The following SV2C variants were observed in gnomAD, a reference collection of about 807,000 sequenced individuals.
The protein encoded by SV2C is synaptic vesicle glycoprotein 2C, also known as solute carrier family 22 member B3.
Under a neutral mutation model 79.7 loss-of-function variants are expected in SV2C, and 49 were observed. The observed-to-expected ratio is 0.61, with a 90% confidence interval of 0.49 to 0.78. The LOEUF is 0.78. Among genes scored for constraint, SV2C ranks in the 30% least tolerant of loss-of-function variants. The pLI is 0.00. For synonymous variants in SV2C, 334 were observed against 333.2 expected, an observed-to-expected ratio of 1.00 and a Z score of -0.03; for missense variants, 833 against 912.9, an observed-to-expected ratio of 0.91 and a Z score of 1.13.
the SV2C span, among the ~76,000 whole-genome samples, chr5:75,849,300 C>T: frequency 2.0e-5 from 3 of 152,124 alleles, no homozygotes; most frequent in African/African-American, 7.2e-5. Context: ...GTTACAAATG[C>T]TAAGCTTCAG....
chr5:76,264,653 G>A (rs1471539356), intron 4 of SV2C, among the ~76,000 whole-genome samples: 1 of 152,132 alleles, frequency 6.6e-6, no homozygotes, highest in African/African-American at 2.4e-5. Context: ...TGATGTTACT[G>A]CTGTCTGTTT....
the SV2C span, among the ~76,000 whole-genome samples, chr5:76,063,606 T>C: frequency 1.3e-5 from 2 of 152,180 alleles, no homozygotes; most frequent in African/African-American, 4.8e-5. Flanking sequence ...CTTTTACTCC[T>C]GAGCCTATGG....
At chr5:75,901,946 G>A in the SV2C span, among the ~76,000 whole-genome samples, 30 of 151,142 alleles carry the variant, frequency 2.0e-4, no homozygotes, top group East Asian at 9.7e-4. Context: ...TCAGAAAAGC[G>A]CAGTATTCGG....
intron 4 of SV2C, among the ~76,000 whole-genome samples, chr5:76,247,234 G>A (rs1745973030): frequency 6.6e-6 from 1 of 152,216 alleles, no homozygotes; most frequent in African/African-American, 2.4e-5. Flanking sequence ...ACAGAGGAGA[G>A]GAAATAACTG....
chr5:76,035,204 G>A, the SV2C span, among the ~76,000 whole-genome samples: 2 of 150,798 alleles, frequency 1.3e-5, no homozygotes, highest in African/African-American at 2.4e-5. Flanking sequence ...ACCAGCTCCT[G>A]GATTCGTTAA....
At chr5:76,045,685 G>C in the SV2C span, among the ~76,000 whole-genome samples, 1 of 152,186 alleles carries the variant, frequency 6.6e-6, no homozygotes, top group Non-Finnish European at 1.5e-5. Context: ...GCTAATGCCA[G>C]TGTTTGGTTG....
chr5:75,858,137 G>A, the SV2C span, among the ~76,000 whole-genome samples: 189 of 152,192 alleles, frequency 1.2e-3, 1 homozygote, highest in Middle Eastern at 3.4e-3. Context: ...ATTCCCAGTC[G>A]TACGGTGAAT....
At chr5:76,206,476 G>C (rs925119271) in intron 3 of SV2C, among the ~76,000 whole-genome samples, 1 of 152,188 alleles carries the variant, frequency 6.6e-6, no homozygotes, top group African/African-American at 2.4e-5. Flanking sequence ...CCCTTTGGGG[G>C]CTCCATTGCT....
the SV2C span, among the ~76,000 whole-genome samples, chr5:75,877,626 C>T: frequency 2.1e-5 from 3 of 143,830 alleles, no homozygotes; most frequent in African/African-American, 8.2e-5. Context: ...AATTGAAAAA[C>T]TCACAAATAG....
chr5:75,969,389 T>TAA, the SV2C span, among the ~76,000 whole-genome samples: 1 of 151,198 alleles, frequency 6.6e-6, no homozygotes, highest in African/African-American at 2.4e-5. Context: ...GCAAATTGGA[T>TAA]AGAGTCAAGA....
the SV2C span, among the ~76,000 whole-genome samples, chr5:75,904,103 T>G: frequency 2.6e-5 from 4 of 152,226 alleles, no homozygotes; most frequent in Non-Finnish European, 1.5e-5. Flanking sequence ...ACCAAATATG[T>G]GCTCTTCACA....
intron 1 of SV2C, among the ~76,000 whole-genome samples, chr5:76,091,116 CACAAG>C (rs1158539408): frequency 6.6e-6 from 1 of 152,214 alleles, no homozygotes; most frequent in Non-Finnish European, 1.5e-5. Context: ...TTCTTTTCAA[CACAAG>C]ACAGAATACT....
the SV2C span, among the ~76,000 whole-genome samples, chr5:76,030,395 G>T: frequency 1.3e-5 from 2 of 150,750 alleles, no homozygotes; most frequent in African/African-American, 4.9e-5. Context: ...AGAAGAAAGG[G>T]CGTATTGAGC....
At chr5:76,219,587 A>G (rs561555608) in intron 4 of SV2C, among the ~76,000 whole-genome samples, 32 of 152,318 alleles carry the variant, frequency 2.1e-4, no homozygotes, top group African/African-American at 7.7e-4. Flanking sequence ...CAGGTCTCCC[A>G]GCCCAGCCTC....
the SV2C span, among the ~76,000 whole-genome samples, chr5:75,932,773 C>T: frequency 1.3e-5 from 2 of 152,204 alleles, no homozygotes; most frequent in Non-Finnish European, 2.9e-5. Flanking sequence ...TGATAGCCGT[C>T]ATGAGCATGT....
chr5:76,011,262 GC>G, the SV2C span, among the ~76,000 whole-genome samples: 1 of 151,992 alleles, frequency 6.6e-6, no homozygotes, highest in African/African-American at 2.4e-5. Flanking sequence ...TGAAATAATA[GC>G]CACGATTTAT....
the SV2C span, among the ~76,000 whole-genome samples, chr5:75,898,816 A>C: frequency 1.3e-5 from 2 of 152,120 alleles, no homozygotes; most frequent in African/African-American, 4.8e-5. Flanking sequence ...TGTGTTGAGA[A>C]ATTTATCCAT....
At chr5:76,243,894 C>T (rs116793303) in intron 4 of SV2C, among the ~76,000 whole-genome samples, 2,884 of 152,268 alleles carry the variant, frequency 0.019, 40 homozygotes, top group Non-Finnish European at 0.025. Flanking sequence ...GCTCTGAATA[C>T]GCCAAAAACA....
the SV2C span, among the ~76,000 whole-genome samples, chr5:75,892,484 G>C: frequency 6.6e-6 from 1 of 151,726 alleles, no homozygotes; most frequent in African/African-American, 2.4e-5. Flanking sequence ...TTTGTTACAT[G>C]GGTATATTGC....
Sources: gnomAD v4.1 joint callset for allele counts (sites outside exome capture counted in the v4.1 genomes callset) on GRCh38, gnomAD v4.1.1 for gene constraint, MANE v1.5 for transcripts, NCBI Gene and HGNC (gene_info 2026-07-23, HGNC 2026-07-21) for gene names.